TTC12: variants seen among roughly 807,000 people sequenced by gnomAD.
The protein encoded by TTC12 is tetratricopeptide repeat domain 12.
In TTC12, 70 loss-of-function variants were observed where a neutral mutation model predicts 90.1. That is an observed-to-expected ratio of 0.78 (90% CI 0.64 to 0.95). TTC12 has a LOEUF of 0.95. TTC12 is among the 40% of genes least tolerant of loss of function. TTC12 has a pLI of 0.00. For missense variants in TTC12, 819 were observed against 846.1 expected (o/e 0.97, Z 0.40); for synonymous variants, 296 against 311.5 (o/e 0.95, Z 0.53).
At chr11:113,331,807 C>T (rs914289131) in intron 7 of TTC12, among the ~76,000 whole-genome samples, 5 of 152,210 alleles carry the variant, frequency 3.3e-5, no homozygotes, top group Admixed American at 1.3e-4. Flanking sequence ...AACACTGACA[C>T]TCAGCAGCCA....
chr11:113,327,367 A>G (rs1027511282), intron 6 of TTC12, among the ~76,000 whole-genome samples: 5 of 152,204 alleles, frequency 3.3e-5, no homozygotes, highest in East Asian at 3.8e-4. Flanking sequence ...ACCATTGACT[A>G]TTTTTAAAAT....
At chr11:113,339,253 G>T in intron 9 of TTC12, 33 bp from the exon 10 acceptor site, 3 of 1,567,670 alleles carry the variant, frequency 1.9e-6, no homozygotes, top group South Asian at 2.3e-5. Context: ...GATTGTTAGG[G>T]TTTTGTTTTG....
intron 7 of TTC12, among the ~76,000 whole-genome samples, chr11:113,333,831 G>A (rs1408855336): frequency 1.3e-5 from 2 of 152,004 alleles, no homozygotes; most frequent in African/African-American, 4.8e-5. Context: ...TATTATTGTT[G>A]TTATTCTTCT....
chr11:113,343,410 G>A (rs1460181053), intron 12 of TTC12, among the ~76,000 whole-genome samples: 3 of 152,216 alleles, frequency 2.0e-5, no homozygotes, highest in African/African-American at 4.8e-5. Context: ...TATAGGTGAA[G>A]TATAGGATTG....
downstream of TTC12, among the ~76,000 whole-genome samples, chr11:113,370,286 A>T (rs1266057232): frequency 6.6e-6 from 1 of 152,232 alleles, no homozygotes; most frequent in Non-Finnish European, 1.5e-5. Context: ...TGTTGATTGC[A>T]ATGACTGTAG....
rs78001843 is a variant in TTC12, at chr11:113,324,319, C to A, written c.245-286C>A. On this transcript the variant is annotated intron_variant, in intron 4 of 21. Coordinates refer to ENST00000529221, the MANE Select transcript of TTC12 (RefSeq NM_017868.4). ...CAGCTCAGAAGCTCATTATGCTAAACGGAACAAAAAAATCTCTCTTCAAAG... is the reference window on the plus strand; with the variant it reads ...CAGCTCAGAAGCTCATTATGCTAAAAGGAACAAAAAAATCTCTCTTCAAAG... The A allele has an allele frequency of 7.2e-3, 3,864 of 535,356 alleles. 119 individuals are homozygous for A. The highest frequency in any genetic ancestry group is 0.069 in the African/African-American group (3,509 of 51,176). The allele number at this position is 535,356 out of a possible 1,614,324, so 33.2% of individuals were successfully genotyped here.
chr11:113,334,049 A>G (rs1488044569), intron 7 of TTC12, among the ~76,000 whole-genome samples: 4 of 152,178 alleles, frequency 2.6e-5, no homozygotes, highest in African/African-American at 4.8e-5. Flanking sequence ...GAGTGTCAGA[A>G]AAGTTAGGCG....
chr11:113,344,057 G>A (rs1431944781), intron 12 of TTC12, among the ~76,000 whole-genome samples: 1 of 152,146 alleles, frequency 6.6e-6, no homozygotes, highest in African/African-American at 2.4e-5. Context: ...TTTTACTGAT[G>A]AGGAGACCGA....
chr11:113,316,277 A>G lies in TTC12; in HGVS notation c.20A>G (p.Lys7Arg). The G allele has an allele frequency of 6.8e-7, 1 of 1,473,388 alleles. No individual in the cohort carries two copies. The allele number at this position is 1,473,388 out of a possible 1,614,324, so 91.3% of individuals were successfully genotyped here. MDADKE[K>R]DLQKFLKNVD... ...TTCACAATGGATGCTGATAAAGAGA[A>G]AGATTTGCAGAAATTTCTTAAAAAT... Residue 7 changes from lysine (K) to arginine (R), a missense_variant, in exon 2 of 22, where the codon AAA becomes AGA. Lys to Arg is a conservative substitution (Grantham distance 26). Coordinates refer to ENST00000529221, the MANE Select transcript of TTC12 (RefSeq NM_017868.4).
intron 8 of TTC12, 31 bp from the exon 9 acceptor site, chr11:113,338,743 C>T: frequency 1.3e-6 from 2 of 1,577,978 alleles, no homozygotes; most frequent in Non-Finnish European, 1.7e-6. Flanking sequence ...TTACCCCAAC[C>T]ACTCTTCAAG....
chr11:113,357,653 G>A (rs1225171888), intron 16 of TTC12, among the ~76,000 whole-genome samples: 1 of 152,070 alleles, frequency 6.6e-6, no homozygotes, highest in African/African-American at 2.4e-5. Context: ...TGTGGTATAA[G>A]GTGGCTTCAG....
intron 7 of TTC12, among the ~76,000 whole-genome samples, chr11:113,331,045 G>A (rs1387557507): frequency 1.3e-5 from 2 of 152,080 alleles, no homozygotes; most frequent in Non-Finnish European, 2.9e-5. Flanking sequence ...GGTAAGCAAA[G>A]GAAACAGAGA....
rs142590387 is a variant in TTC12 at position 113,363,913 on chromosome 11, T to C, written c.1802T>C (p.Ile601Thr). 2 of 1,611,542 alleles carry C rather than the reference T, an allele frequency of 1.2e-6. No homozygotes were observed. The highest frequency in any genetic ancestry group is 1.7e-5 in the Admixed American group (1 of 60,016). Residue 601 changes from isoleucine (I) to threonine (T), a missense_variant, in exon 20 of 22, where the codon ATA becomes ACA. By Grantham distance (89) the Ile-to-Thr change is moderately conservative (BLOSUM62 -1). Transcript: ENST00000529221. ...TATCATGAAGCTCGGGAAGAAGTAA[T>C]AAGACTGGATAAAAGTAAGTGATGA... ...NSYHEAREEV[I>T]RLDKKLSVMM...
rs1203863667 is a variant in TTC12 at position 113,362,278 on chromosome 11, A to G, written c.1615-123A>G. The stretch of plus-strand genomic sequence containing the variant: ...GTGCTTTCTATTATTTGGCCATCAT[A>G]TTTTTTATATTTTGCTTCCAATATA... On this transcript the variant is annotated intron_variant, in intron 18 of 21. Coordinates refer to ENST00000529221, the MANE Select transcript of TTC12 (RefSeq NM_017868.4). The G allele has an allele frequency of 6.0e-6, 4 of 670,452 alleles. No homozygotes were observed. In the African/African-American group the frequency reaches 7.2e-5, roughly 12 times the overall value. The allele number at this position is 670,452 out of a possible 1,614,324, so 41.5% of individuals were successfully genotyped here.
At chr11:113,367,501 T>C (rs7130431), downstream of TTC12, among the ~76,000 whole-genome samples, 2 of 152,038 alleles carry the variant, frequency 1.3e-5, no homozygotes, top group South Asian at 2.1e-4. Context: ...TATGACGTCA[T>C]TTGGGTTAAG....
Position 113,352,169 on chromosome 11 carries a change from G to C in TTC12, c.1408G>C (p.Ala470Pro), listed in dbSNP as rs782412732. Residue 470 changes from alanine (A) to proline (P), a missense_variant, in exon 16 of 22, where the codon GCC (alanine) becomes CCC (proline). By Grantham distance (27) the Ala-to-Pro change is conservative. Coordinates refer to ENST00000529221, the MANE Select transcript of TTC12 (RefSeq NM_017868.4). Reference protein sequence around the residue: ...AEPTTRRHMAACEEFGDGCLS... With the variant: ...AEPTTRRHMAPCEEFGDGCLS... ...GCCCACTACCCGAAGACACATGGCG[G>C]CCTGTGAGGAATTTGGGGATGGCTG... 6.2e-6 allele frequency: 10 copies of C among 1,614,218 alleles called. 1 individual carries two copies. The highest frequency in any genetic ancestry group is 1.3e-5 in the African/African-American group (1 of 75,068).
At chr11:113,342,025 C>A in intron 12 of TTC12, 100 bp downstream of exon 12, 1 of 1,041,134 alleles carries the variant, frequency 9.6e-7, no homozygotes, top group Non-Finnish European at 1.5e-6. Context: ...CCCTGGAAAG[C>A]TGATGTCTAG....
intron 13 of TTC12, among the ~76,000 whole-genome samples, chr11:113,345,542 A>G (rs1565605717): frequency 6.6e-6 from 1 of 152,096 alleles, no homozygotes; most frequent in African/African-American, 2.4e-5. Flanking sequence ...ACACTGTCCA[A>G]TTTGGTATGT....
rs147603701 is a variant in TTC12, at chr11:113,324,016, G to T, written c.244+1G>T. 6.2e-7 allele frequency: 1 copy of T among 1,611,438 alleles called. No homozygotes were observed. The highest frequency in any genetic ancestry group is 8.5e-7 in the Non-Finnish European group (1 of 1,178,124). Reference sequence around the variant, plus strand: ...CAGAGTGCAGAAGAAATAAACTCAGGTAAGGACAGCATCTCTCTTCCCAAT... The same window carrying T: ...CAGAGTGCAGAAGAAATAAACTCAGTTAAGGACAGCATCTCTCTTCCCAAT... On this transcript the variant is annotated splice_donor_variant, in intron 4 of 21. Coordinates refer to ENST00000529221, the MANE Select transcript of TTC12 (RefSeq NM_017868.4). LOFTEE classifies it high-confidence loss of function.
Sources: allele counts gnomAD v4.1 joint callset (sites outside exome capture counted in the v4.1 genomes callset), GRCh38; gene constraint gnomAD v4.1.1; transcripts MANE v1.5; gene names NCBI Gene and HGNC (gene_info 2026-07-23, HGNC 2026-07-21).